The following YWHAZ variants were observed in gnomAD, a reference collection of about 807,000 sequenced individuals.
YWHAZ encodes the protein tyrosine 3-monooxygenase/tryptophan 5-monooxygenase activation protein zeta, also known as 14-3-3 protein zeta/delta.
For missense variants in YWHAZ, 79 were observed against 284.8 expected, an observed-to-expected ratio of 0.28 and a Z score of 5.20; for synonymous variants, 87 against 103.6, an observed-to-expected ratio of 0.84 and a Z score of 0.97.
intron 1 of YWHAZ, among the ~76,000 whole-genome samples, chr8:100,949,744 A>T (rs982622377): frequency 6.6e-6 from 1 of 152,216 alleles, no homozygotes; most frequent in Non-Finnish European, 1.5e-5. Context: ...GCTTCTAGCC[A>T]TCATAATGTA....
At chr8:100,950,009 T>C (rs1290182906) in intron 1 of YWHAZ, among the ~76,000 whole-genome samples, 1 of 152,218 alleles carries the variant, frequency 6.6e-6, no homozygotes, top group African/African-American at 2.4e-5. Context: ...AGAGTCCACC[T>C]TGGCAGCTGG....
chr8:100,917,336 T>G lies in YWHAZ; in HGVS notation c.*3357A>C, dbSNP rs138347576. ...CTGTTAACTGGAAAAACAAAGACCA[T>G]AAGCCAGAGCTGCAGGAAAGCCCAT... On this transcript the variant is annotated 3_prime_UTR_variant, in exon 6 of 6. Coordinates refer to ENST00000395958, the MANE Select transcript of YWHAZ (RefSeq NM_145690.3). 3.3e-5 allele frequency: 5 copies of G among 151,982 alleles called. No homozygotes were observed. The East Asian group carries it at 9.7e-4, about 29-fold the overall frequency. 9.4% of individuals were successfully genotyped at this position (151,982 alleles called of 1,614,324 possible).
chr8:100,948,992 T>C lies in YWHAZ; in HGVS notation c.-11-92A>G. The C allele has an allele frequency of 7.2e-7, 1 of 1,382,762 alleles. No individual in the cohort carries two copies. The highest frequency in any genetic ancestry group is 1.4e-5 in the South Asian group (1 of 70,386). 85.7% of individuals were successfully genotyped at this position (1,382,762 alleles called of 1,614,324 possible). On this transcript the variant is annotated intron_variant, in intron 1 of 5. Coordinates refer to ENST00000395958, the MANE Select transcript of YWHAZ (RefSeq NM_145690.3). The surrounding 1 kb of genome is among the most constrained non-coding windows in gnomAD (Gnocchi z 4.2). Reference sequence around the variant, plus strand: ...CTGTGGTAAATGAGTTTTTTAAACCTGAAACCTAACTGCCTGTGAAAGACT... The same window carrying C: ...CTGTGGTAAATGAGTTTTTTAAACCCGAAACCTAACTGCCTGTGAAAGACT...
At chr8:100,933,594 C>T (rs1251270828) in intron 2 of YWHAZ, among the ~76,000 whole-genome samples, 1 of 152,194 alleles carries the variant, frequency 6.6e-6, no homozygotes, top group African/African-American at 2.4e-5. Flanking sequence ...ATGCTATGTT[C>T]TCCCTAAAGC....
In YWHAZ at chr8:100,916,929, C is replaced by T. The variant is rs2130040433; in HGVS notation, c.*3764G>A. 6.6e-6 allele frequency: 1 copy of T among 152,298 alleles called. No individual in the cohort carries two copies. Among genetic ancestry groups the T allele is most frequent in the East Asian group, 1.9e-4 (1 of 5,194 alleles). 9.4% of individuals were successfully genotyped at this position (152,298 alleles called of 1,614,324 possible). On this transcript the variant is annotated 3_prime_UTR_variant, in exon 6 of 6. Coordinates refer to ENST00000395958, the MANE Select transcript of YWHAZ (RefSeq NM_145690.3). ...AGAATCCAAGTCTATTTTCCAAGTGCCCAGTCTCAGCCACCACTTTACTAT... is the reference window on the plus strand; with the variant it reads ...AGAATCCAAGTCTATTTTCCAAGTGTCCAGTCTCAGCCACCACTTTACTAT...
rs546681471 is a variant in YWHAZ at position 100,930,721 on chromosome 8, G to A, written c.295-5682C>T. Among the ~76,000 whole-genome samples the A allele has an allele frequency of 2.0e-5, 3 of 152,210 alleles. No homozygotes were observed. In the East Asian group the frequency reaches 5.8e-4, roughly 29 times the overall value. ...GCTCTGTCACACAGGCTGGAATGCA[G>A]TGGCCCCATCATAGCTTGCCCTGCT... On this transcript the variant is annotated intron_variant, in intron 2 of 5. Transcript: ENST00000395958.
chr8:100,937,502 C>A (rs1270563010), intron 2 of YWHAZ, among the ~76,000 whole-genome samples: 1 of 152,096 alleles, frequency 6.6e-6, no homozygotes, highest in Non-Finnish European at 1.5e-5. Flanking sequence ...AATAGCAAAT[C>A]CCCCCAGAAT....
At chr8:100,951,376 C>CGCA (rs1221175318) in intron 1 of YWHAZ, 1 of 984,370 alleles carries the variant, frequency 1.0e-6, no homozygotes, top group Admixed American at 6.2e-5. Context: ...GTCCCGCCGC[C>CGCA]GCAGCGCCCA....
chr8:100,918,323 A>ACAGAGCAAG lies in YWHAZ; in HGVS notation c.*2361_*2369dup, dbSNP rs1726586229. 1.5e-5 allele frequency: 2 copies of ACAGAGCAAG among 132,546 alleles called. No homozygotes were observed. Among genetic ancestry groups the ACAGAGCAAG allele is most frequent in the South Asian group, 5.6e-4 (2 of 3,596 alleles). 8.2% of individuals were successfully genotyped at this position (132,546 alleles called of 1,614,324 possible). On this transcript the variant is annotated 3_prime_UTR_variant, in exon 6 of 6. Transcript: ENST00000395958. ...GCACCACTGCACTCAAGCCTGGGTG[A>ACAGAGCAAG]CAGAGCAAGACTCTTGTCTCCAAAA...
At position 100,950,268 on chromosome 8, in the gene YWHAZ, T is replaced by G. The variant is rs894728103; in HGVS notation, c.-11-1368A>C. 4.4e-6 allele frequency: 3 copies of G among 685,148 alleles called. No homozygotes were observed. The South Asian group carries it at 2.0e-4, about 45-fold the overall frequency. 42.4% of individuals were successfully genotyped at this position (685,148 alleles called of 1,614,324 possible). ...TTTCTGCTTCTAACAAAAAATGATT[T>G]AAGCCAGTACAAAGGATTCTCTCCC... On this transcript the variant is annotated intron_variant, in intron 1 of 5. Coordinates refer to ENST00000395958, the MANE Select transcript of YWHAZ (RefSeq NM_145690.3).
At chr8:100,943,982 G>A (rs1349964562) in intron 2 of YWHAZ, among the ~76,000 whole-genome samples, 1 of 109,004 alleles carries the variant, frequency 9.2e-6, no homozygotes, top group African/African-American at 3.3e-5. Context: ...GCAAGACTCC[G>A]TCTCAAAAAA....
rs1812786029 is a variant in YWHAZ at position 100,918,305 on chromosome 8, T to C, written c.*2388A>G. 1 of 139,962 alleles carries C rather than the reference T, an allele frequency of 7.1e-6. No homozygotes were observed. Among genetic ancestry groups the C allele is most frequent in the Non-Finnish European group, 1.5e-5 (1 of 65,164 alleles). The allele number at this position is 139,962 out of a possible 1,614,324, so 8.7% of individuals were successfully genotyped here. ...TTGCACTCAGCCGAGATCGCACCAC[T>C]GCACTCAAGCCTGGGTGACAGAGCA... On this transcript the variant is annotated 3_prime_UTR_variant, in exon 6 of 6. Coordinates refer to ENST00000395958, the MANE Select transcript of YWHAZ (RefSeq NM_145690.3).
In YWHAZ at chr8:100,921,043, C is replaced by CT. The variant is rs201386826; in HGVS notation, c.679-292dup. On this transcript the variant is annotated intron_variant, in intron 5 of 5. Coordinates refer to ENST00000395958, the MANE Select transcript of YWHAZ (RefSeq NM_145690.3). ...TGAAGAGAAATTACAAGAAATAATA[C>CT]TTTTTTTTTGAGATGGAGTCTCGCT... Among the ~76,000 whole-genome samples the CT allele has an allele frequency of 9.5e-3, 1,437 of 151,448 alleles. 22 individuals carry two copies. Among genetic ancestry groups the CT allele is most frequent in the African/African-American group, 0.032 (1,307 of 41,306 alleles).
Position 100,924,621 on chromosome 8 carries a change from C to T in YWHAZ, c.418+295G>A, listed in dbSNP as rs909809104. 6.6e-6 allele frequency among the ~76,000 whole-genome samples: 1 copy of T among 152,196 alleles called. No homozygotes were observed. Among genetic ancestry groups the T allele is most frequent in the Non-Finnish European group, 1.5e-5 (1 of 68,032 alleles). On this transcript the variant is annotated intron_variant, in intron 3 of 5. Transcript: ENST00000395958. The surrounding 1 kb of genome is among the most constrained non-coding windows in gnomAD (Gnocchi z 5.7). ...AGCTGGGACCAAAGGCTTGCACCAC[C>T]ATGCCCAGCTAATTTTCAAAATATT...
intron 2 of YWHAZ, among the ~76,000 whole-genome samples, chr8:100,945,416 T>C (rs1010555588): frequency 1.3e-5 from 2 of 152,192 alleles, no homozygotes; most frequent in African/African-American, 2.4e-5. Context: ...TATTATAAAA[T>C]AGGTGCTCAA....
At chr8:100,950,125 T>C (rs1462300166) in intron 1 of YWHAZ, among the ~76,000 whole-genome samples, 2 of 152,160 alleles carry the variant, frequency 1.3e-5, no homozygotes, top group Non-Finnish European at 2.9e-5. Flanking sequence ...ATTAACCACT[T>C]TGGATGCAAG....
intron 2 of YWHAZ, among the ~76,000 whole-genome samples, chr8:100,940,676 T>C (rs773325785): frequency 5.3e-5 from 8 of 152,268 alleles, no homozygotes; most frequent in African/African-American, 9.6e-5. Context: ...GTGTATTTGC[T>C]ATTTAACACC....
chr8:100,929,819 T>A (rs1813636447), intron 2 of YWHAZ, among the ~76,000 whole-genome samples: 1 of 149,960 alleles, frequency 6.7e-6, no homozygotes, highest in African/African-American at 2.5e-5. Context: ...TAGAAAAAAA[T>A]GAATAAAAGA....
In YWHAZ at chr8:100,924,788, A is replaced by G. The variant is rs1351753544; in HGVS notation, c.418+128T>C. ...CAGTAGATGTGTATTCTCAGAACACAAAGAGCACTGCTACTCCTTATTCGG... is the reference window on the plus strand; with the variant it reads ...CAGTAGATGTGTATTCTCAGAACACGAAGAGCACTGCTACTCCTTATTCGG... On this transcript the variant is annotated intron_variant, in intron 3 of 5. Coordinates refer to ENST00000395958, the MANE Select transcript of YWHAZ (RefSeq NM_145690.3). This position sits in a 1 kb window ranked among gnomAD's most constrained non-coding sequence, Gnocchi z 5.7. The G allele has an allele frequency of 1.7e-6, 2 of 1,199,082 alleles. No homozygotes were observed. Among genetic ancestry groups the G allele is most frequent in the Non-Finnish European group, 2.3e-6 (2 of 858,826 alleles). The allele number at this position is 1,199,082 out of a possible 1,614,324, so 74.3% of individuals were successfully genotyped here. A position where few individuals can be genotyped will look rare whatever the true frequency, so the allele number is the denominator to read the frequency against.
Sources: gnomAD v4.1 joint callset for allele counts (sites outside exome capture counted in the v4.1 genomes callset) on GRCh38, gnomAD v4.1.1 for gene constraint, Gnocchi (gnomAD v3.1) non-coding constraint, MANE v1.5 for transcripts, NCBI Gene and HGNC (gene_info 2026-07-23, HGNC 2026-07-21) for gene names.